MYO1A: variants seen among roughly 807,000 people sequenced by gnomAD.
MYO1A encodes unconventional myosin-Ia.
A neutral mutation model predicts 138.5 loss-of-function variants in MYO1A; 127 were observed. The ratio of observed to expected loss-of-function variants is 0.92; its 90% CI spans 0.79 to 1.06. The LOEUF is 1.06. Among genes scored for constraint, MYO1A ranks in the 50% least tolerant of loss-of-function variants. MYO1A has a pLI of 0.00. For synonymous variants in MYO1A, 477 were observed against 497.5 expected, an observed-to-expected ratio of 0.96 and a Z score of 0.55; for missense variants, 1,211 against 1,288.8, an observed-to-expected ratio of 0.94 and a Z score of 0.92.
chr12:57,029,362 C>G (rs749586360), intron 26 of MYO1A, 73 bp downstream of exon 26: 116 of 1,613,418 alleles, frequency 7.2e-5, no homozygotes, highest in Non-Finnish European at 9.7e-5. Flanking sequence ...TCCCCATCAC[C>G]TCCAGCCTGC....
At position 57,041,455 on chromosome 12, in the gene MYO1A, T is replaced by A; in HGVS notation, c.1141A>T (p.Ile381Phe). The A allele has an allele frequency of 6.2e-7, 1 of 1,613,834 alleles. No individual in the cohort carries two copies. The highest frequency in any genetic ancestry group is 8.5e-7 in the Non-Finnish European group (1 of 1,179,726). ...EKKKVMGVLD[I>F]YGFEILEDNS... The stretch of plus-strand genomic sequence containing the variant: ...ACCTCTAATATCTCAAAACCGTAGA[T>A]ATCAAGGACTCCCATTACCTTCTTC... The change falls in exon 13 of 28, where the codon ATC (isoleucine) becomes TTC (phenylalanine). Residue 381 changes from isoleucine (I) to phenylalanine (F), a missense_variant. Coordinates refer to ENST00000300119, the MANE Select transcript of MYO1A (RefSeq NM_005379.4).
Position 57,039,027 on chromosome 12 carries a change from A to G in MYO1A, c.1333-18T>C, listed in dbSNP as rs755446614. On this transcript the variant is annotated intron_variant, in intron 15 of 27. Transcript: ENST00000300119. ...CGCTGATTCTGGGCCGGGGGAACAA[A>G]AGAAGCCCAACCTAAATCTGGTCCT... 1 of 1,609,788 alleles carries G rather than the reference A, an allele frequency of 6.2e-7. No individual in the cohort carries two copies. Among genetic ancestry groups the G allele is most frequent in the South Asian group, 1.1e-5 (1 of 90,584 alleles).
chr12:57,047,823 A>G, intron 3 of MYO1A, 102 bp from the exon 4 acceptor site: 3 of 1,569,138 alleles, frequency 1.9e-6, no homozygotes, highest in Non-Finnish European at 2.6e-6. Context: ...CTCTACTTGG[A>G]GCAGACTGGG....
chr12:57,047,765 A>C (rs779140143), intron 3 of MYO1A, 44 bp from the exon 4 acceptor site: 2 of 1,611,602 alleles, frequency 1.2e-6, no homozygotes, highest in South Asian at 2.2e-5. Flanking sequence ...AAACCAGTTC[A>C]AGACACCATC....
intron 7 of MYO1A, 100 bp from the exon 8 acceptor site, chr12:57,046,750 G>A: frequency 6.7e-7 from 1 of 1,502,684 alleles, no homozygotes; most frequent in Admixed American, 1.7e-5. Context: ...ATTCCTAGTG[G>A]TTGGGAAGTC....
At chr12:57,042,951 C>A in intron 12 of MYO1A, 121 bp downstream of exon 12, 2 of 917,732 alleles carry the variant, frequency 2.2e-6, no homozygotes. Context: ...TTAGAAGGAA[C>A]TGTACCCTCC....
At position 57,046,877 on chromosome 12, in the gene MYO1A, C is replaced by A. The variant is rs768335265; in HGVS notation, c.527G>T (p.Gly176Val). The A allele has an allele frequency of 6.2e-7, 1 of 1,614,138 alleles. No individual in the cohort carries two copies. Among genetic ancestry groups the A allele is most frequent in the South Asian group, 1.1e-5 (1 of 91,082 alleles). The change falls in exon 7 of 28, where the codon GGT (glycine) becomes GTT (valine). Residue 176 changes from glycine to valine, a missense_variant. Transcript: ENST00000300119. Reference sequence around the variant, plus strand: ...GAGACACGTACAGTTTGTGATGACACCACCGAGGGGGGATCCCTTGAAGTC... The same window carrying A: ...GAGACACGTACAGTTTGTGATGACAACACCGAGGGGGGATCCCTTGAAGTC... ...EFDFKGSPLGGVITNYLLEKS... is the reference protein window; with the variant it reads ...EFDFKGSPLGVVITNYLLEKS...
chr12:57,037,812 C>T (rs1384695801), intron 18 of MYO1A, 57 bp downstream of exon 18: 1 of 1,588,042 alleles, frequency 6.3e-7, no homozygotes, highest in Admixed American at 1.7e-5. Context: ...TCTCTTCCCC[C>T]AGAGATGTTT....
intron 8 of MYO1A, among the ~76,000 whole-genome samples, chr12:57,044,589 A>G (rs537910550): frequency 6.6e-6 from 1 of 152,208 alleles, no homozygotes; most frequent in African/African-American, 2.4e-5. Context: ...GGGTTTCTCT[A>G]TGTTGGCCAG....
chr12:57,040,880 C>T (rs997061487), intron 14 of MYO1A, among the ~76,000 whole-genome samples: 1 of 152,214 alleles, frequency 6.6e-6, no homozygotes, highest in Non-Finnish European at 1.5e-5. Context: ...TTGGGCCAAA[C>T]CCAGAAGAAA....
At chr12:57,034,982 AAAT>A (rs1189547297) in intron 22 of MYO1A, among the ~76,000 whole-genome samples, 1 of 152,122 alleles carries the variant, frequency 6.6e-6, no homozygotes, top group African/African-American at 2.4e-5. Flanking sequence ...ATAAATAAAT[AAAT>A]AAATAAAAAT....
intron 8 of MYO1A, among the ~76,000 whole-genome samples, 198 bp from the exon 9 acceptor site, chr12:57,044,407 G>A (rs1024412986): frequency 1.3e-5 from 2 of 152,108 alleles, no homozygotes; most frequent in Non-Finnish European, 2.9e-5. Flanking sequence ...TGTTGTTGTT[G>A]AGACAGGGTC....
In MYO1A at chr12:57,047,076, G is replaced by A. The variant is rs1400036778; in HGVS notation, c.462C>T (p.Asn154=). ...ATTTACTCACAAATCGGGAGGAATT[G>A]TTGTTGCGAATGGTCTTGGCATTGC... ...AFGNAKTIRN[N]NSSRFGKYMD... The change falls in exon 6 of 28, where the codon AAC becomes AAT. Residue 154 remains asparagine (N), a synonymous_variant. Transcript: ENST00000300119. 1.2e-6 allele frequency: 2 copies of A among 1,614,192 alleles called. No homozygotes were observed. The highest frequency in any genetic ancestry group is 1.1e-5 in the South Asian group (1 of 91,082).
At position 57,028,712 on chromosome 12, in the gene MYO1A, G is replaced by T; in HGVS notation, c.*43C>A. The stretch of plus-strand genomic sequence containing the variant: ...GGAGGGCAGAGGGGGATTAGTGCTG[G>T]TTCAGGAGGAAGCAACTGCCATCTC... On this transcript the variant is annotated 3_prime_UTR_variant, in exon 28 of 28. Transcript: ENST00000300119. The T allele has an allele frequency of 1.2e-6, 2 of 1,611,834 alleles. No individual in the cohort carries two copies.
chr12:57,042,961 C>T lies in MYO1A; in HGVS notation c.1098+111G>A, dbSNP rs73114459. The T allele has an allele frequency of 0.088, 88,079 of 1,002,030 alleles. 4,107 individuals carry two copies. The highest frequency in any genetic ancestry group is 0.14 in the East Asian group (5,775 of 41,002). The allele number at this position is 1,002,030 out of a possible 1,614,324, so 62.1% of individuals were successfully genotyped here. A position where few individuals can be genotyped will look rare whatever the true frequency, so the allele number is the denominator to read the frequency against. ...CACTGTTAGAAGGAACTGTACCCTC[C>T]CCATCATCCTCCCTACTCTGCTCAT... On this transcript the variant is annotated intron_variant, in intron 12 of 27. Coordinates refer to ENST00000300119, the MANE Select transcript of MYO1A (RefSeq NM_005379.4).
intron 22 of MYO1A, 57 bp from the exon 23 acceptor site, chr12:57,031,231 C>G: frequency 6.2e-7 from 1 of 1,603,624 alleles, no homozygotes; most frequent in Non-Finnish European, 8.5e-7. Context: ...TCCTGACAGG[C>G]AAACTGGCAC....
intron 27 of MYO1A, 80 bp downstream of exon 27, chr12:57,029,052 G>A (rs533981686): frequency 4.7e-5 from 76 of 1,612,238 alleles, no homozygotes; most frequent in South Asian, 3.7e-4. Context: ...TACATGCTTC[G>A]CTTTCTGATC....
chr12:57,044,353 C>T (rs2031001029), intron 8 of MYO1A, 144 bp from the exon 9 acceptor site: 2 of 712,506 alleles, frequency 2.8e-6, no homozygotes, highest in Non-Finnish European at 5.0e-6. Flanking sequence ...CCCCTGCCTC[C>T]TTTGTTTTGG....
At chr12:57,038,764 C>T (rs908417023) in intron 16 of MYO1A, 45 bp downstream of exon 16, 2 of 1,613,132 alleles carry the variant, frequency 1.2e-6, no homozygotes, top group Non-Finnish European at 1.7e-6. Flanking sequence ...TGACTTCAGT[C>T]TGGGCCTGAG....
Sources: gnomAD v4.1 joint callset for allele counts (sites outside exome capture counted in the v4.1 genomes callset) on GRCh38, gnomAD v4.1.1 for gene constraint, MANE v1.5 for transcripts, NCBI Gene and HGNC (gene_info 2026-07-23, HGNC 2026-07-21) for gene names.